ZBTB20: variants seen among roughly 807,000 people sequenced by gnomAD.
The protein encoded by ZBTB20 is zinc finger and BTB domain-containing protein 20.
Under a neutral mutation model 56.9 loss-of-function variants are expected in ZBTB20, and 9 were observed. The ratio of observed to expected loss-of-function variants is 0.16; its 90% CI spans 0.10 to 0.28. ZBTB20 has a LOEUF of 0.28. Among genes scored for constraint, ZBTB20 ranks in the 10% least tolerant of loss-of-function variants. ZBTB20 has a pLI of 1.00. For missense variants in ZBTB20, 655 were observed against 1,003.0 expected (o/e 0.65, Z 4.69); for synonymous variants, 417 against 420.7 (o/e 0.99, Z 0.11).
chr3:115,024,324 ACAAC>A (rs1195809547), intron 2 of ZBTB20, among the ~76,000 whole-genome samples: 2 of 150,968 alleles, frequency 1.3e-5, no homozygotes, highest in Non-Finnish European at 1.5e-5. Flanking sequence ...GGAAGAGCTT[ACAAC>A]CTAGGTGGAG....
chr3:114,592,866 T>A (rs531326194), intron 6 of ZBTB20, among the ~76,000 whole-genome samples: 1 of 152,314 alleles, frequency 6.6e-6, no homozygotes, highest in Admixed American at 6.5e-5. Context: ...TTGTCTATTC[T>A]TATACATTCA....
intron 6 of ZBTB20, among the ~76,000 whole-genome samples, chr3:114,679,415 A>G (rs1000791997): frequency 1.3e-5 from 2 of 152,326 alleles, no homozygotes; most frequent in Non-Finnish European, 1.5e-5. Flanking sequence ...TAGAATCTAC[A>G]AGGAACTTAA....
At chr3:115,044,343 G>T (rs1301418645) in intron 2 of ZBTB20, among the ~76,000 whole-genome samples, 1 of 152,158 alleles carries the variant, frequency 6.6e-6, no homozygotes, top group Non-Finnish European at 1.5e-5. Context: ...CCATAGAGCT[G>T]ATTTTGATTT....
At chr3:114,621,722 T>C (rs1445040641) in intron 6 of ZBTB20, among the ~76,000 whole-genome samples, 1 of 152,186 alleles carries the variant, frequency 6.6e-6, no homozygotes, top group African/African-American at 2.4e-5. Context: ...TGCATCCTCA[T>C]TAATTTAATG....
At chr3:114,810,611 A>G (rs914091605) in intron 4 of ZBTB20, among the ~76,000 whole-genome samples, 5 of 152,252 alleles carry the variant, frequency 3.3e-5, no homozygotes, top group Non-Finnish European at 7.3e-5. Flanking sequence ...TTGTCCCAAC[A>G]TAACTTTTAA....
At chr3:115,086,971 A>G (rs1003947860) in intron 1 of ZBTB20, among the ~76,000 whole-genome samples, 2 of 151,842 alleles carry the variant, frequency 1.3e-5, no homozygotes, top group Non-Finnish European at 2.9e-5. Context: ...AATATTTATC[A>G]TATCAGTGAG....
intron 5 of ZBTB20, among the ~76,000 whole-genome samples, chr3:114,746,516 T>A (rs1439301252): frequency 6.6e-6 from 1 of 152,144 alleles, no homozygotes; most frequent in Non-Finnish European, 1.5e-5. Flanking sequence ...CTTAACAGTA[T>A]TTTTAGGTTT....
At chr3:114,514,691 A>G (rs1157821622) in intron 6 of ZBTB20, among the ~76,000 whole-genome samples, 1 of 152,144 alleles carries the variant, frequency 6.6e-6, no homozygotes, top group South Asian at 2.1e-4. Flanking sequence ...CATTCAATCC[A>G]TTAAGATAGG....
chr3:114,517,074 G>A (rs1471584944), intron 6 of ZBTB20, among the ~76,000 whole-genome samples: 1 of 152,146 alleles, frequency 6.6e-6, no homozygotes, highest in African/African-American at 2.4e-5. Context: ...ACTGCTCTAG[G>A]ATATTGAATG....
intron 6 of ZBTB20, among the ~76,000 whole-genome samples, chr3:114,548,716 G>A (rs748126188): frequency 4.6e-5 from 7 of 151,656 alleles, no homozygotes; most frequent in African/African-American, 7.3e-5. Flanking sequence ...ACGGGGTTTC[G>A]CCATATTGGC....
At chr3:115,047,620 CAATG>C (rs1334196547) in intron 2 of ZBTB20, among the ~76,000 whole-genome samples, 1 of 152,044 alleles carries the variant, frequency 6.6e-6, no homozygotes, top group Admixed American at 6.5e-5. Context: ...AGAAAAGTAA[CAATG>C]AATAATGCAA....
At chr3:114,701,705 C>CTGCAA (rs938611042) in intron 5 of ZBTB20, among the ~76,000 whole-genome samples, 7 of 151,950 alleles carry the variant, frequency 4.6e-5, no homozygotes, top group African/African-American at 1.7e-4. Context: ...CCCATATGTA[C>CTGCAA]TGCAATGCAA....
In ZBTB20 at chr3:114,318,166, C is replaced by G. The variant is rs1164851113; in HGVS notation, c.*20839G>C. Reference sequence around the variant, plus strand: ...GAAAAAATATGGAAAAGCTATTGAACAGCCTTAGGGCACTGCCTCTCCATC... The same window carrying G: ...GAAAAAATATGGAAAAGCTATTGAAGAGCCTTAGGGCACTGCCTCTCCATC... On this transcript the variant is annotated 3_prime_UTR_variant, in exon 12 of 12. Transcript: ENST00000675478. 2.0e-5 allele frequency: 3 copies of G among 152,094 alleles called. No homozygotes were observed. Among genetic ancestry groups the G allele is most frequent in the African/African-American group, 7.2e-5 (3 of 41,398 alleles). The allele number at this position is 152,094 out of a possible 1,614,324, so 9.4% of individuals were successfully genotyped here. A position where few individuals can be genotyped will look rare whatever the true frequency, so the allele number is the denominator to read the frequency against.
chr3:114,720,058 A>C (rs761292194), intron 5 of ZBTB20, among the ~76,000 whole-genome samples: 10 of 150,396 alleles, frequency 6.6e-5, no homozygotes, highest in Non-Finnish European at 1.3e-4. Context: ...TGTAGGAGAA[A>C]TAATTCTTAC....
At chr3:114,549,134 C>A (rs557542598) in intron 6 of ZBTB20, among the ~76,000 whole-genome samples, 33 of 152,250 alleles carry the variant, frequency 2.2e-4, no homozygotes, top group Admixed American at 1.0e-3. Flanking sequence ...TTCCAGGAAA[C>A]AAAATCCTTT....
chr3:114,703,420 G>C (rs2063515774), intron 5 of ZBTB20, among the ~76,000 whole-genome samples: 2 of 152,080 alleles, frequency 1.3e-5, no homozygotes, highest in South Asian at 2.1e-4. Flanking sequence ...TAGCTTCTTT[G>C]AATGTTCCTA....
At chr3:115,022,112 C>T (rs2080229995) in intron 2 of ZBTB20, among the ~76,000 whole-genome samples, 1 of 150,178 alleles carries the variant, frequency 6.7e-6, no homozygotes, top group Admixed American at 6.7e-5. Context: ...TTTTTAAATT[C>T]CTAAATTTTG....
intron 2 of ZBTB20, among the ~76,000 whole-genome samples, chr3:114,977,490 G>A (rs183830542): frequency 6.6e-6 from 1 of 152,270 alleles, no homozygotes; most frequent in East Asian, 1.9e-4. Context: ...ATTGGCATTG[G>A]AAGAGATAGA....
At position 114,586,976 on chromosome 3, in the gene ZBTB20, T is replaced by C. The variant is rs1159009175; in HGVS notation, c.-294-86585A>G. ...TTGGTACTGAATTTATACATAACTC[T>C]AGGTATAACTCCCTTTTTTTTTTTT... is the stretch of plus-strand genomic sequence containing the variant. On this transcript the variant is annotated intron_variant, in intron 6 of 11. Coordinates refer to ENST00000675478, the MANE Select transcript of ZBTB20 (RefSeq NM_001348800.3). Among the ~76,000 whole-genome samples, 3 of 150,164 alleles carry C rather than the reference T, an allele frequency of 2.0e-5. No homozygotes were observed. The East Asian group carries it at 5.9e-4, about 30-fold the overall frequency.
Sources: allele counts gnomAD v4.1 joint callset (sites outside exome capture counted in the v4.1 genomes callset), GRCh38; gene constraint gnomAD v4.1.1; transcripts MANE v1.5; gene names NCBI Gene and HGNC (gene_info 2026-07-23, HGNC 2026-07-21).